The following ABCA13 variants were observed in gnomAD, a reference collection of about 807,000 sequenced individuals.
The protein encoded by ABCA13 is ATP binding cassette subfamily A member 13.
In ABCA13, 476 loss-of-function variants were observed where a neutral mutation model predicts 478.7. The ratio of observed to expected loss-of-function variants is 0.99; its 90% CI spans 0.92 to 1.07. ABCA13 has a LOEUF of 1.07. Among genes scored for constraint, ABCA13 ranks in the 50% least tolerant of loss-of-function variants. The pLI is 0.00. For synonymous variants in ABCA13, 2,252 were observed against 2,158.9 expected (o/e 1.04, Z -1.20); for missense variants, 6,060 against 5,910.6 (o/e 1.03, Z -0.83).
chr7:48,309,464 A>T (rs913873558), intron 23 of ABCA13, among the ~76,000 whole-genome samples: 1 of 152,214 alleles, frequency 6.6e-6, no homozygotes, highest in East Asian at 1.9e-4. Context: ...TTAAAAAAAT[A>T]TATAACAAGC....
intron 48 of ABCA13, among the ~76,000 whole-genome samples, chr7:48,501,417 G>A (rs1008816771): frequency 8.5e-5 from 13 of 152,118 alleles, no homozygotes; most frequent in East Asian, 1.9e-4. Flanking sequence ...TCCCTAGAGC[G>A]CCCCATGAGA....
At chr7:48,303,204 A>AT (rs1247814055) in intron 23 of ABCA13, among the ~76,000 whole-genome samples, 3 of 151,488 alleles carry the variant, frequency 2.0e-5, no homozygotes, top group Admixed American at 6.6e-5. Context: ...TTTCTTGTAA[A>AT]TTTTTTTTAA....
chr7:48,299,796 G>A (rs1046927563), intron 23 of ABCA13, among the ~76,000 whole-genome samples: 3 of 152,146 alleles, frequency 2.0e-5, no homozygotes, highest in Non-Finnish European at 2.9e-5. Context: ...TCTATTATGG[G>A]AGGGCTGTGC....
chr7:48,454,933 C>T (rs1226956161), intron 42 of ABCA13, 104 bp from the exon 43 acceptor site: 9 of 1,397,602 alleles, frequency 6.4e-6, no homozygotes, highest in Non-Finnish European at 8.4e-6. Context: ...GTCGCATTCC[C>T]ATGGCTGCGA....
rs546976567 is a variant in ABCA13 at position 48,505,281 on chromosome 7, A to G, written c.13292-1055A>G. Among the ~76,000 whole-genome samples, 16 of 152,262 alleles carry G rather than the reference A, an allele frequency of 1.1e-4. 1 individual carries two copies. The South Asian group carries it at 3.3e-3, about 32-fold the overall frequency. ...AGGTGGCAAAGGGACAGAAGTCCAGATGCCTGGTCGCAAAGCTGTTGGAAG... is the reference window on the plus strand; with the variant it reads ...AGGTGGCAAAGGGACAGAAGTCCAGGTGCCTGGTCGCAAAGCTGTTGGAAG... On this transcript the variant is annotated intron_variant, in intron 48 of 61. Coordinates refer to ENST00000435803, the MANE Select transcript of ABCA13 (RefSeq NM_152701.5).
intron 45 of ABCA13, among the ~76,000 whole-genome samples, chr7:48,473,748 T>G (rs1827774786): frequency 6.6e-6 from 1 of 152,196 alleles, no homozygotes. Flanking sequence ...CTCACTCCAG[T>G]GCCTCTCTGG....
chr7:48,527,944 A>C (rs1832988031), intron 54 of ABCA13, among the ~76,000 whole-genome samples: 4 of 152,182 alleles, frequency 2.6e-5, no homozygotes, highest in Admixed American at 2.0e-4. Context: ...GTTGGCATTT[A>C]CTTCTCATCC....
rs751249735 is a variant in ABCA13 at position 48,281,329 on chromosome 7, A to AT, written c.8727-7dup. On this transcript the variant is annotated splice_polypyrimidine_tract_variant and intron_variant, in intron 18 of 61. Transcript: ENST00000435803. ...TTTACCCTTTTATGTCATTGTATAT[A>AT]TTTTTTTGCTAAGTGTTGTTGAGAT... 7 of 1,579,236 alleles carry AT rather than the reference A, an allele frequency of 4.4e-6. No individual in the cohort carries two copies. The highest frequency in any genetic ancestry group is 6.0e-6 in the Non-Finnish European group (7 of 1,161,896).
Position 48,372,455 on chromosome 7 carries a change from G to C in ABCA13, c.11091G>C (p.Leu3697Phe). The change falls in exon 33 of 62, where the codon TTG (leucine) becomes TTC (phenylalanine). Residue 3697 changes from leucine to phenylalanine, a missense_variant. Around this residue, in one of 3 missense-constraint regions of ABCA13, gnomAD observed 4,423 missense variants for 4,309.1 expected, o/e 1.03. Coordinates refer to ENST00000435803, the MANE Select transcript of ABCA13 (RefSeq NM_152701.5). ...GCTTTCTGCCCTACATAGTTCTATTGGTTCTACATAACCAATTAAGTTTTG... is the reference window on the plus strand; with the variant it reads ...GCTTTCTGCCCTACATAGTTCTATTCGTTCTACATAACCAATTAAGTTTTG... ...MISFLPYIVLLVLHNQLSFVN... is the reference protein window; with the variant it reads ...MISFLPYIVLFVLHNQLSFVN... The C allele has an allele frequency of 6.2e-7, 1 of 1,603,954 alleles. No homozygotes were observed. Among genetic ancestry groups the C allele is most frequent in the South Asian group, 1.1e-5 (1 of 90,136 alleles).
chr7:48,299,280 G>A (rs187819689), intron 23 of ABCA13, among the ~76,000 whole-genome samples: 9 of 152,266 alleles, frequency 5.9e-5, no homozygotes, highest in East Asian at 1.9e-4. Flanking sequence ...CCCAACACAC[G>A]TTTAATATCA....
At chr7:48,202,150 TTCCACACAGTGGAA>T (rs1421891299) in intron 3 of ABCA13, among the ~76,000 whole-genome samples, 98 of 152,284 alleles carry the variant, frequency 6.4e-4, no homozygotes, top group African/African-American at 2.3e-3. Context: ...AGAACAAAGC[TTCCACACAGTGGAA>T]GGGGACCCTA....
chr7:48,308,351 A>G (rs1203361747), intron 23 of ABCA13, among the ~76,000 whole-genome samples: 1 of 152,126 alleles, frequency 6.6e-6, no homozygotes, highest in Non-Finnish European at 1.5e-5. Flanking sequence ...TTTACAGTTA[A>G]ATTTTTTTTA....
chr7:48,190,783 T>G (rs1797000248), intron 1 of ABCA13, among the ~76,000 whole-genome samples: 1 of 152,220 alleles, frequency 6.6e-6, no homozygotes, highest in South Asian at 2.1e-4. Context: ...AACACATTAG[T>G]TATACATATA....
Position 48,256,779 on chromosome 7 carries a change from C to T in ABCA13, c.2005+7428C>T, listed in dbSNP as rs564310600. 5.1e-4 allele frequency among the ~76,000 whole-genome samples: 78 copies of T among 152,258 alleles called. No individual in the cohort carries two copies. In the South Asian group the frequency reaches 6.6e-3, roughly 13 times the overall value. Reference sequence around the variant, plus strand: ...CCCTACAGCATTGCTCTTTTGCTTACGATTGCCTTGGCTATTCGGGCACTT... The same window carrying T: ...CCCTACAGCATTGCTCTTTTGCTTATGATTGCCTTGGCTATTCGGGCACTT... On this transcript the variant is annotated intron_variant, in intron 15 of 61. Transcript: ENST00000435803.
intron 44 of ABCA13, among the ~76,000 whole-genome samples, chr7:48,467,271 A>T (rs536365514): frequency 6.6e-6 from 1 of 152,318 alleles, no homozygotes; most frequent in South Asian, 2.1e-4. Flanking sequence ...CCCTTCGTAC[A>T]TGCATGCTTT....
intron 29 of ABCA13, among the ~76,000 whole-genome samples, chr7:48,347,098 A>G (rs149886326): frequency 2.6e-4 from 39 of 152,330 alleles, no homozygotes; most frequent in African/African-American, 9.4e-4. Context: ...ACCAGTCATT[A>G]CAGTAGCATT....
At chr7:48,306,944 G>A (rs1800987544) in intron 23 of ABCA13, among the ~76,000 whole-genome samples, 1 of 152,148 alleles carries the variant, frequency 6.6e-6, no homozygotes, top group African/African-American at 2.4e-5. Context: ...ATCAGTTGAA[G>A]GCAAAAAAAG....
Position 48,392,059 on chromosome 7 carries a change from C to T in ABCA13, c.11793C>T (p.Thr3931=), listed in dbSNP as rs147058958. ...PQQDILLDNL[T]VREHLLLFAS... The stretch of plus-strand genomic sequence containing the variant: ...AGGACATCCTGTTGGACAACCTCAC[C>T]GTCCGGGAACATTTGCTGCTCTTTG... The change falls in exon 38 of 62, where the codon ACC becomes ACT. Residue 3931 remains threonine (T), a synonymous_variant. Transcript: ENST00000435803. 302 of 1,613,894 alleles carry T rather than the reference C, an allele frequency of 1.9e-4. No homozygotes were observed. In the East Asian group the frequency reaches 5.5e-3, roughly 29 times the overall value.
At chr7:48,617,533 C>T (rs778750635) in intron 59 of ABCA13, among the ~76,000 whole-genome samples, 40 of 151,924 alleles carry the variant, frequency 2.6e-4, no homozygotes, top group Non-Finnish European at 4.9e-4. Context: ...AGAGGGAGAA[C>T]GGAAGAGAGG....
Sources: allele counts gnomAD v4.1 joint callset (sites outside exome capture counted in the v4.1 genomes callset), GRCh38; gene constraint gnomAD v4.1.1; regional missense constraint gnomAD v4.1.1; transcripts MANE v1.5; gene names NCBI Gene and HGNC (gene_info 2026-07-23, HGNC 2026-07-21).